Variants in KIF6 observed in about 807,000 individuals in gnomAD.
KIF6 encodes kinesin-like protein KIF6.
In KIF6, 106 loss-of-function variants were observed where a neutral mutation model predicts 112.7. The observed-to-expected ratio is 0.94, with a 90% confidence interval of 0.80 to 1.11. The LOEUF is 1.11. Ranked by LOEUF, KIF6 falls within the 50% of genes least tolerant of loss-of-function variation. The pLI, the probability that KIF6 is intolerant of heterozygous loss-of-function variation, is 0.00. For missense variants in KIF6, 929 were observed against 964.0 expected (o/e 0.96, Z 0.48); for synonymous variants, 339 against 339.9 (o/e 1.00, Z 0.03).
intron 10 of KIF6, among the ~76,000 whole-genome samples, chr6:39,573,285 C>T (rs975252031): frequency 6.6e-6 from 1 of 152,030 alleles, no homozygotes; most frequent in Non-Finnish European, 1.5e-5. Flanking sequence ...TCCAGGGGCC[C>T]TAGAACACAG....
At chr6:39,375,398 C>T (rs1451149681) in intron 16 of KIF6, among the ~76,000 whole-genome samples, 1 of 152,154 alleles carries the variant, frequency 6.6e-6, no homozygotes, top group Non-Finnish European at 1.5e-5. Flanking sequence ...TGTTAATTAG[C>T]TTGATTTAAA....
chr6:39,601,855 T>C (rs1782594003), intron 6 of KIF6, among the ~76,000 whole-genome samples: 1 of 152,158 alleles, frequency 6.6e-6, no homozygotes, highest in Non-Finnish European at 1.5e-5. Context: ...AAATATCTTG[T>C]ATATTCTCAT....
At chr6:39,336,794 T>TCTTTC (rs1416231356) in intron 22 of KIF6, among the ~76,000 whole-genome samples, 1 of 109,318 alleles carries the variant, frequency 9.1e-6, no homozygotes, top group Non-Finnish European at 1.7e-5. Flanking sequence ...CCCACCGTTT[T>TCTTTC]CTTTCCTTTT....
chr6:39,648,223 C>CGG (rs34604470), intron 3 of KIF6, among the ~76,000 whole-genome samples: 7,792 of 61,400 alleles, frequency 0.13, 348 homozygotes, highest in Middle Eastern at 0.18. Flanking sequence ...GGGGGGCGGG[C>CGG]GGGGGGGGGT....
chr6:39,569,606 T>C (rs1780534562), intron 10 of KIF6, among the ~76,000 whole-genome samples: 1 of 152,246 alleles, frequency 6.6e-6, no homozygotes, highest in Admixed American at 6.5e-5. Context: ...TGGAAATGGC[T>C]TCTCCTAGAG....
chr6:39,574,792 T>C (rs966180351), intron 10 of KIF6, among the ~76,000 whole-genome samples: 2 of 152,214 alleles, frequency 1.3e-5, no homozygotes, highest in Non-Finnish European at 2.9e-5. Flanking sequence ...TTGGTAAATA[T>C]AGAGCTATTC....
intron 13 of KIF6, among the ~76,000 whole-genome samples, chr6:39,443,822 T>C (rs971030822): frequency 5.3e-5 from 8 of 152,184 alleles, no homozygotes; most frequent in Admixed American, 3.3e-4. Flanking sequence ...CCCTGAAATA[T>C]GTATGGATTT....
intron 13 of KIF6, among the ~76,000 whole-genome samples, chr6:39,536,394 TC>T (rs1778427312): frequency 6.6e-6 from 1 of 150,886 alleles, no homozygotes; most frequent in Non-Finnish European, 1.5e-5. Context: ...TCACCACTGA[TC>T]CCACAGAAAT....
rs923988504 is a variant in KIF6 at position 39,540,185 on chromosome 6, T to G, written c.1463A>C (p.Lys488Thr). Residue 488 changes from lysine to threonine, a missense_variant, in exon 13 of 23, where the codon AAA becomes ACA. Physicochemically the swap from Lys to Thr is moderately conservative, Grantham distance 78. This residue lies in a region of KIF6 where 688 missense variants were observed against 662.7 expected (regional missense o/e 1.04). Transcript: ENST00000287152. ...LVNMLKKEKK[K>T]AQEALHLAGM... ...AGCCAAGTGGAGAGCCTCCTGAGCTTTCTTCTTTTCTTTTTTTAACATGTT... is the reference window on the plus strand; with the variant it reads ...AGCCAAGTGGAGAGCCTCCTGAGCTGTCTTCTTTTCTTTTTTTAACATGTT... The G allele has an allele frequency of 6.2e-6, 10 of 1,612,012 alleles. No individual in the cohort carries two copies. The highest frequency in any genetic ancestry group is 8.5e-6 in the Non-Finnish European group (10 of 1,179,604).
intron 13 of KIF6, among the ~76,000 whole-genome samples, chr6:39,460,520 A>G (rs1314038296): frequency 7.1e-6 from 1 of 141,028 alleles, no homozygotes; most frequent in East Asian, 2.1e-4. Flanking sequence ...AACTTAAAGT[A>G]TAATAAAAAA....
intron 10 of KIF6, among the ~76,000 whole-genome samples, chr6:39,559,656 AAAATC>A (rs1488626088): frequency 2.0e-5 from 3 of 152,210 alleles, no homozygotes; most frequent in Non-Finnish European, 4.4e-5. Context: ...CAGGGAATAA[AAAATC>A]AATAATATGC....
intron 21 of KIF6, 73 bp downstream of exon 21, chr6:39,345,627 G>T: frequency 2.4e-6 from 3 of 1,273,202 alleles, no homozygotes; most frequent in Non-Finnish European, 3.3e-6. Context: ...TTTTCGGGGA[G>T]TAGACTGGAG....
chr6:39,607,615 G>A (rs1238487161), intron 6 of KIF6, among the ~76,000 whole-genome samples: 1 of 150,718 alleles, frequency 6.6e-6, no homozygotes, highest in Non-Finnish European at 1.5e-5. Flanking sequence ...TATTTGAGGT[G>A]GAGTCGCACT....
At chr6:39,346,090 C>CTCTCTCTCTCT (rs1562112945) in intron 20 of KIF6, among the ~76,000 whole-genome samples, 1 of 36,808 alleles carries the variant, frequency 2.7e-5, no homozygotes, top group African/African-American at 1.9e-4. Context: ...CTCTCTCCCC[C>CTCTCTCTCTCT]CCCTCTCCCT....
chr6:39,655,999 A>G (rs112206755), intron 3 of KIF6, among the ~76,000 whole-genome samples: 4 of 152,336 alleles, frequency 2.6e-5, no homozygotes, highest in African/African-American at 9.6e-5. Flanking sequence ...TTCAAAGATC[A>G]ATGTTCAAAA....
At chr6:39,530,189 A>T (rs1036435314) in intron 13 of KIF6, among the ~76,000 whole-genome samples, 2 of 152,214 alleles carry the variant, frequency 1.3e-5, no homozygotes, top group African/African-American at 4.8e-5. Flanking sequence ...ACAAATTCTC[A>T]TTGAGGAGGA....
chr6:39,647,303 C>T (rs1381870519), intron 3 of KIF6, among the ~76,000 whole-genome samples: 1 of 152,092 alleles, frequency 6.6e-6, no homozygotes, highest in Non-Finnish European at 1.5e-5. Context: ...TTTGAGAGGT[C>T]TGTTTTTCTG....
intron 16 of KIF6, among the ~76,000 whole-genome samples, chr6:39,371,698 A>G (rs1283301339): frequency 2.0e-5 from 3 of 152,072 alleles, no homozygotes; most frequent in African/African-American, 7.3e-5. Context: ...TCTTTATCCA[A>G]TTCTCTTCAC....
intron 13 of KIF6, among the ~76,000 whole-genome samples, chr6:39,537,420 C>A (rs898176868): frequency 2.6e-5 from 4 of 151,870 alleles, no homozygotes. Flanking sequence ...TATACACCAA[C>A]AACAGACAAA....
Sources: allele counts gnomAD v4.1 joint callset (sites outside exome capture counted in the v4.1 genomes callset), GRCh38; gene constraint gnomAD v4.1.1; regional missense constraint gnomAD v4.1.1; transcripts MANE v1.5; gene names NCBI Gene and HGNC (gene_info 2026-07-23, HGNC 2026-07-21).